NCKAP5: variants seen among roughly 807,000 people sequenced by gnomAD.
NCKAP5 encodes the protein NCK associated protein 5, also known as nck-associated protein 5.
Under a neutral mutation model 167.0 loss-of-function variants are expected in NCKAP5, and 92 were observed. The ratio of observed to expected loss-of-function variants is 0.55; its 90% confidence interval spans 0.47 to 0.66. The LOEUF is 0.66. NCKAP5 is among the 30% of genes least tolerant of loss of function. The pLI is 0.00. For synonymous variants in NCKAP5, 891 were observed against 877.4 expected, an observed-to-expected ratio of 1.02 and a Z score of -0.27; for missense variants, 2,378 against 2,315.0, an observed-to-expected ratio of 1.03 and a Z score of -0.56.
intron 4 of NCKAP5, among the ~76,000 whole-genome samples, chr2:133,269,321 A>G (rs1293872213): frequency 6.6e-6 from 1 of 152,210 alleles, no homozygotes; most frequent in Non-Finnish European, 1.5e-5. Context: ...TATAATGTCT[A>G]TTAGAAGGTA....
chr2:132,776,729 G>C (rs1328944453), intron 15 of NCKAP5, among the ~76,000 whole-genome samples: 2 of 152,108 alleles, frequency 1.3e-5, no homozygotes, highest in African/African-American at 4.8e-5. Context: ...GGAAATGAGG[G>C]GCATAATTTA....
chr2:133,175,381 T>G (rs906346797), intron 5 of NCKAP5, among the ~76,000 whole-genome samples: 2 of 152,208 alleles, frequency 1.3e-5, no homozygotes, highest in African/African-American at 4.8e-5. Context: ...CCATCAGTCT[T>G]TTGTTGCATC....
rs968914644 is a variant in NCKAP5 at position 132,838,187 on chromosome 2, C to T, written c.807+22305G>A. ...CCACCCTCCTGCTCTCTCCGTGGCACCTGGGGTCTCCCAGTGGAACCCCTC... is the reference window on the plus strand; with the variant it reads ...CCACCCTCCTGCTCTCTCCGTGGCATCTGGGGTCTCCCAGTGGAACCCCTC... On this transcript the variant is annotated intron_variant, in intron 11 of 19. Transcript: ENST00000409261. 3.3e-5 allele frequency among the ~76,000 whole-genome samples: 5 copies of T among 152,144 alleles called. No individual in the cohort carries two copies. In the South Asian group the frequency reaches 1.0e-3, roughly 32 times the overall value.
chr2:133,086,814 G>T (rs1310844590), intron 6 of NCKAP5, among the ~76,000 whole-genome samples: 1 of 152,090 alleles, frequency 6.6e-6, no homozygotes, highest in African/African-American at 2.4e-5. Flanking sequence ...GAGAAAACCG[G>T]ATTTGTTGAA....
chr2:133,612,933 G>A, the NCKAP5 span, among the ~76,000 whole-genome samples: 1 of 152,144 alleles, frequency 6.6e-6, no homozygotes, highest in Non-Finnish European at 1.5e-5. Context: ...CAGGCATTGA[G>A]GAGAAATGGA....
chr2:132,935,986 T>G (rs944252274), intron 8 of NCKAP5, among the ~76,000 whole-genome samples: 1 of 151,612 alleles, frequency 6.6e-6, no homozygotes, highest in Non-Finnish European at 1.5e-5. Context: ...TTTTCTTTTT[T>G]TTTTTTTTTC....
chr2:133,125,435 T>C (rs1227310113), intron 6 of NCKAP5, among the ~76,000 whole-genome samples: 4 of 152,160 alleles, frequency 2.6e-5, no homozygotes, highest in African/African-American at 9.7e-5. Flanking sequence ...GCATTCACCT[T>C]GGCTGTCTGG....
At chr2:132,709,629 G>A (rs544798533) in intron 19 of NCKAP5, among the ~76,000 whole-genome samples, 1 of 152,172 alleles carries the variant, frequency 6.6e-6, no homozygotes, top group South Asian at 2.1e-4. Flanking sequence ...TATCAGAATT[G>A]ATAGTGCAAT....
At chr2:133,209,588 G>A (rs550094996) in intron 5 of NCKAP5, among the ~76,000 whole-genome samples, 5 of 151,460 alleles carry the variant, frequency 3.3e-5, no homozygotes, top group South Asian at 4.2e-4. Flanking sequence ...CTACATATGC[G>A]CTCACTTAGC....
At chr2:133,540,285 T>A (rs1686120076) in intron 2 of NCKAP5, among the ~76,000 whole-genome samples, 1 of 152,176 alleles carries the variant, frequency 6.6e-6, no homozygotes, top group Non-Finnish European at 1.5e-5. Context: ...ATGAGAGATG[T>A]TTTTTAAATG....
chr2:133,514,145 C>T (rs1168277657), intron 3 of NCKAP5, among the ~76,000 whole-genome samples: 1 of 152,186 alleles, frequency 6.6e-6, no homozygotes, highest in African/African-American at 2.4e-5. Flanking sequence ...TACGGCTACT[C>T]CGCACACTCC....
At chr2:132,699,571 C>T (rs1687685149) in intron 19 of NCKAP5, among the ~76,000 whole-genome samples, 2 of 151,908 alleles carry the variant, frequency 1.3e-5, no homozygotes, top group African/African-American at 4.8e-5. Context: ...TGAGTGAGAA[C>T]ATGCAGTGTT....
the NCKAP5 span, among the ~76,000 whole-genome samples, chr2:133,623,994 C>T: frequency 6.6e-6 from 1 of 152,080 alleles, no homozygotes; most frequent in African/African-American, 2.4e-5. Context: ...TTCACAGCAA[C>T]CTGCATGGAA....
chr2:132,826,161 T>C (rs1474512455), intron 11 of NCKAP5, among the ~76,000 whole-genome samples: 1 of 152,228 alleles, frequency 6.6e-6, no homozygotes, highest in African/African-American at 2.4e-5. Context: ...TCTGTGGTTG[T>C]CATCTTTGGA....
At chr2:133,624,390 G>A in the NCKAP5 span, among the ~76,000 whole-genome samples, 2 of 151,962 alleles carry the variant, frequency 1.3e-5, no homozygotes, top group Non-Finnish European at 2.9e-5. Flanking sequence ...CATCTCTTAG[G>A]AGGAGTTTCT....
intron 14 of NCKAP5, 97 bp downstream of exon 14, chr2:132,781,843 A>G (rs973334098): frequency 2.3e-5 from 27 of 1,166,594 alleles, no homozygotes; most frequent in Non-Finnish European, 3.3e-5. Flanking sequence ...ATGAAAAAAC[A>G]TGCTTGACTG....
the NCKAP5 span, among the ~76,000 whole-genome samples, chr2:133,600,688 A>C: frequency 2.0e-5 from 3 of 152,224 alleles, no homozygotes; most frequent in African/African-American, 7.2e-5. Context: ...AGCAGCGGAG[A>C]AAGTTCTTTG....
chr2:132,778,500 C>T (rs1382581661), intron 15 of NCKAP5, among the ~76,000 whole-genome samples: 1 of 152,030 alleles, frequency 6.6e-6, no homozygotes, highest in Admixed American at 6.6e-5. Context: ...TGCCTTAGGA[C>T]TCTCATAACT....
chr2:133,049,830 C>A (rs550977261), intron 6 of NCKAP5, among the ~76,000 whole-genome samples: 2 of 152,130 alleles, frequency 1.3e-5, no homozygotes, highest in Non-Finnish European at 2.9e-5. Context: ...GCCAAGGAAG[C>A]CTTACCATGA....
Sources: gnomAD v4.1 joint callset for allele counts (sites outside exome capture counted in the v4.1 genomes callset) on GRCh38, gnomAD v4.1.1 for gene constraint, MANE v1.5 for transcripts, NCBI Gene and HGNC (gene_info 2026-07-23, HGNC 2026-07-21) for gene names.